Variants in ERBIN observed in about 807,000 individuals in gnomAD.
ERBIN encodes densin-180-like protein.
A neutral mutation model predicts 158.4 loss-of-function variants in ERBIN; 60 were observed. The observed-to-expected ratio is 0.38, with a 90% CI of 0.31 to 0.47. ERBIN has a LOEUF of 0.47. Ranked by LOEUF, ERBIN falls within the 20% of genes least tolerant of loss-of-function variation. ERBIN has a pLI of 0.99. For synonymous variants in ERBIN, 594 were observed against 557.2 expected (o/e 1.07, Z -0.93); for missense variants, 1,610 against 1,648.0 (o/e 0.98, Z 0.40).
intron 1 of ERBIN, among the ~76,000 whole-genome samples, 182 bp from the exon 2 acceptor site, chr5:65,988,453 G>A (rs1446699289): frequency 6.6e-6 from 1 of 151,722 alleles, no homozygotes; most frequent in South Asian, 2.1e-4. Flanking sequence ...TTGTGTGTAC[G>A]TTTTTAAGAG....
intron 1 of ERBIN, among the ~76,000 whole-genome samples, chr5:65,956,592 C>T (rs945030951): frequency 2.7e-5 from 4 of 150,094 alleles, no homozygotes; most frequent in Non-Finnish European, 4.4e-5. Flanking sequence ...TGTTGCCTAG[C>T]TGGTTTCGAA....
At chr5:66,039,061 T>G (rs1182707568) in intron 15 of ERBIN, among the ~76,000 whole-genome samples, 1 of 150,968 alleles carries the variant, frequency 6.6e-6, no homozygotes. Context: ...GTGTTACACT[T>G]AAAGTAACTA....
chr5:66,015,622 A>C (rs1486598103), intron 7 of ERBIN, among the ~76,000 whole-genome samples: 1 of 152,110 alleles, frequency 6.6e-6, no homozygotes, highest in Non-Finnish European at 1.5e-5. Context: ...AAATCGCATC[A>C]TCAAGATTTG....
intron 1 of ERBIN, among the ~76,000 whole-genome samples, chr5:65,980,308 G>A (rs1055483164): frequency 1.3e-5 from 2 of 151,998 alleles, no homozygotes; most frequent in South Asian, 2.1e-4. Flanking sequence ...GGCGCCTGTA[G>A]TCCAAGCTAC....
intron 4 of ERBIN, among the ~76,000 whole-genome samples, chr5:66,009,022 G>A (rs929010731): frequency 2.0e-5 from 3 of 152,078 alleles, no homozygotes; most frequent in Non-Finnish European, 4.4e-5. Context: ...AAAATTTTCA[G>A]TGCAACTTTT....
intron 1 of ERBIN, among the ~76,000 whole-genome samples, chr5:65,965,382 G>GTTTTTTTTTTTTT (rs200847060): frequency 3.4e-4 from 33 of 96,052 alleles, no homozygotes; most frequent in Non-Finnish European, 4.9e-4. Flanking sequence ...GTTTTTTGTT[G>GTTTTTTTTTTTTT]TTTTTTTTTT....
rs571046227 is a variant in ERBIN, at chr5:65,962,208, AT to A, written c.-57-26424del. On this transcript the variant is annotated intron_variant, in intron 1 of 25. Transcript: ENST00000284037. ...AATGCAAAAGTTCTATAGGTCAGTG[AT>A]TTCCTTCCTGACTTGTGTCCCAAAA... 1.9e-4 allele frequency among the ~76,000 whole-genome samples: 29 copies of A among 152,302 alleles called. No homozygotes were observed. The East Asian group carries it at 5.2e-3, about 27-fold the overall frequency.
chr5:66,078,347 G>A (rs747799903), intron 25 of ERBIN, 76 bp from the exon 26 acceptor site: 6 of 904,428 alleles, frequency 6.6e-6, no homozygotes, highest in Non-Finnish European at 1.0e-5. Flanking sequence ...TTTCTTCCAA[G>A]TTTGTGAACT....
chr5:66,072,261 CA>C lies in ERBIN; in HGVS notation c.3729del (p.Asp1244MetfsTer7), dbSNP rs1359074928. On this transcript the variant is annotated frameshift_variant, in exon 22 of 26. Transcript: ENST00000284037. LOFTEE classifies it high-confidence loss of function. The stretch of plus-strand genomic sequence containing the variant: ...ACTACTCATCAGCCACACTTAGTCA[CA>C]AAGATGTTCCTCCAGACAGCTTGAT... ...QNYSSATLSH[K>X]DVPPDSLMKM... is the part of the protein sequence containing the mutation. 6.5e-7 allele frequency: 1 copy of C among 1,550,374 alleles called. No homozygotes were observed. Among genetic ancestry groups the C allele is most frequent in the Non-Finnish European group, 8.7e-7 (1 of 1,146,898 alleles).
At chr5:65,954,617 A>G (rs1312861745) in intron 1 of ERBIN, among the ~76,000 whole-genome samples, 3 of 152,124 alleles carry the variant, frequency 2.0e-5, no homozygotes, top group African/African-American at 7.2e-5. Context: ...ATTTGCTTTT[A>G]TGAATATATA....
intron 25 of ERBIN, among the ~76,000 whole-genome samples, chr5:66,077,423 C>T (rs1421656666): frequency 1.3e-5 from 2 of 151,974 alleles, no homozygotes; most frequent in East Asian, 1.9e-4. Flanking sequence ...TCATTTTCTA[C>T]CCCTACTGTC....
chr5:66,076,591 C>T (rs571375988), intron 24 of ERBIN, 183 bp downstream of exon 24: 3 of 612,836 alleles, frequency 4.9e-6, no homozygotes, highest in African/African-American at 1.9e-5. Context: ...AACAATTTAA[C>T]CAAAAACTAT....
chr5:65,941,313 T>TA (rs1217469941), intron 1 of ERBIN, among the ~76,000 whole-genome samples: 33 of 59,934 alleles, frequency 5.5e-4, no homozygotes, highest in African/African-American at 9.3e-4. Flanking sequence ...GAATGATCAA[T>TA]AAAAAAAAAA....
chr5:65,964,908 T>TTGTGTGTGTG (rs70987104), intron 1 of ERBIN, among the ~76,000 whole-genome samples: 1,644 of 107,232 alleles, frequency 0.015, 71 homozygotes, highest in African/African-American at 0.062. Context: ...CCTGGCTGAT[T>TTGTGTGTGTG]TGTGTGTGTG....
intron 21 of ERBIN, chr5:66,068,937 A>G (rs1386602230): frequency 1.3e-6 from 2 of 1,535,756 alleles, no homozygotes; most frequent in Non-Finnish European, 1.7e-6. Context: ...TCACTGTGGC[A>G]GCTCTAGGGA....
At chr5:65,950,123 G>A (rs752863170) in intron 1 of ERBIN, among the ~76,000 whole-genome samples, 6 of 152,046 alleles carry the variant, frequency 3.9e-5, no homozygotes. Context: ...CTCCTGCCTC[G>A]GCCTCTTGAG....
At chr5:66,048,225 C>G (rs1272852439) in intron 18 of ERBIN, among the ~76,000 whole-genome samples, 1 of 151,574 alleles carries the variant, frequency 6.6e-6, no homozygotes. Flanking sequence ...GAAATAAGAT[C>G]AGTAGAGTAG....
intron 2 of ERBIN, 95 bp from the exon 3 acceptor site, chr5:65,992,615 C>A: frequency 2.2e-6 from 2 of 901,980 alleles, no homozygotes; most frequent in African/African-American, 1.7e-5. Flanking sequence ...AAGTGTTTAT[C>A]TGTGACATAT....
intron 1 of ERBIN, among the ~76,000 whole-genome samples, chr5:65,985,679 C>T (rs537944696): frequency 6.6e-6 from 1 of 152,302 alleles, no homozygotes; most frequent in Admixed American, 6.5e-5. Flanking sequence ...TATCTGTCTA[C>T]AAATCTGCTG....
Sources: gnomAD v4.1 joint callset for allele counts (sites outside exome capture counted in the v4.1 genomes callset) on GRCh38, gnomAD v4.1.1 for gene constraint, MANE v1.5 for transcripts, NCBI Gene and HGNC (gene_info 2026-07-23, HGNC 2026-07-21) for gene names.